ASIC2: variants seen among roughly 807,000 people sequenced by gnomAD.
ASIC2 encodes acid sensing ion channel subunit 2.
ASIC2 carries 25 observed loss-of-function variants against 57.3 expected under a neutral mutation model. That is an observed-to-expected ratio of 0.44 (90% CI 0.32 to 0.61). The LOEUF is 0.61. Ranked by LOEUF, ASIC2 falls within the 20% of genes least tolerant of loss-of-function variation. ASIC2 has a pLI of 0.06. For synonymous variants in ASIC2, 319 were observed against 307.5 expected (o/e 1.04, Z -0.39); for missense variants, 641 against 738.1 (o/e 0.87, Z 1.52).
At chr17:33,953,902 GC>G (rs1182370904) in intron 1 of ASIC2, among the ~76,000 whole-genome samples, 17 of 152,284 alleles carry the variant, frequency 1.1e-4, no homozygotes, top group African/African-American at 3.8e-4. Flanking sequence ...TGAATGTGAG[GC>G]TTTGGAATTT....
chr17:33,375,183 G>A (rs1285676156), intron 1 of ASIC2, among the ~76,000 whole-genome samples: 1 of 152,174 alleles, frequency 6.6e-6, no homozygotes, highest in African/African-American at 2.4e-5. Flanking sequence ...TGTGGTGGGG[G>A]TGTTTGCTCT....
intron 1 of ASIC2, among the ~76,000 whole-genome samples, chr17:33,591,653 C>T (rs952944733): frequency 1.1e-4 from 16 of 152,154 alleles, no homozygotes; most frequent in Admixed American, 1.0e-3. Context: ...ATAGGAGCCA[C>T]CTCACCAGGA....
chr17:33,803,358 G>A (rs1912183241), intron 1 of ASIC2, among the ~76,000 whole-genome samples: 1 of 151,862 alleles, frequency 6.6e-6, no homozygotes, highest in Non-Finnish European at 1.5e-5. Flanking sequence ...TGGGTGGGTG[G>A]GGGGTTTGGT....
At chr17:33,690,940 G>A (rs995226842) in intron 1 of ASIC2, among the ~76,000 whole-genome samples, 3 of 151,522 alleles carry the variant, frequency 2.0e-5, no homozygotes, top group African/African-American at 4.8e-5. Flanking sequence ...TAGTAGAGAC[G>A]GGGTTTCACT....
intron 1 of ASIC2, among the ~76,000 whole-genome samples, chr17:33,906,260 A>T (rs1597924660): frequency 6.6e-6 from 1 of 152,304 alleles, no homozygotes; most frequent in Middle Eastern, 3.4e-3. Flanking sequence ...CCTTCTTGCA[A>T]GCAGGCTTGT....
intron 1 of ASIC2, among the ~76,000 whole-genome samples, chr17:33,807,557 CTCTT>C (rs1323490036): frequency 1.5e-4 from 23 of 152,242 alleles, no homozygotes; most frequent in African/African-American, 5.5e-4. Flanking sequence ...CTCTCTCTCT[CTCTT>C]TCTTTCCCTC....
intron 1 of ASIC2, chr17:34,004,188 GAAGGAAAAGGAAAAGGAA>G (rs113273130): frequency 1.3e-5 from 2 of 152,192 alleles, no homozygotes; most frequent in Admixed American, 1.3e-4. Flanking sequence ...GGAGATGGGA[GAAGGAAAAGGAAAAGGAA>G]AAGGAAAAGG....
chr17:33,516,550 G>C (rs1914578263), intron 1 of ASIC2, among the ~76,000 whole-genome samples: 1 of 152,132 alleles, frequency 6.6e-6, no homozygotes, highest in Admixed American at 6.5e-5. Context: ...CAGAAGTTTT[G>C]ATTTCATTGG....
At chr17:33,989,211 C>T (rs1007973794) in intron 1 of ASIC2, among the ~76,000 whole-genome samples, 8 of 151,984 alleles carry the variant, frequency 5.3e-5, no homozygotes, top group African/African-American at 1.9e-4. Context: ...AGGTCAAGAG[C>T]TGGGGAAGGT....
intron 1 of ASIC2, among the ~76,000 whole-genome samples, chr17:33,676,278 A>G (rs1440798368): frequency 6.6e-6 from 1 of 152,264 alleles, no homozygotes; most frequent in Non-Finnish European, 1.5e-5. Flanking sequence ...TAAGTAGTCA[A>G]GTGAAAGAAG....
intron 3 of ASIC2, among the ~76,000 whole-genome samples, chr17:33,067,522 G>C (rs896566998): frequency 6.6e-6 from 1 of 152,166 alleles, no homozygotes; most frequent in Non-Finnish European, 1.5e-5. Context: ...CTTTTTGACA[G>C]AGCATCACAA....
At chr17:33,687,031 C>T (rs1372337880) in intron 1 of ASIC2, among the ~76,000 whole-genome samples, 1 of 152,204 alleles carries the variant, frequency 6.6e-6, no homozygotes. Flanking sequence ...GTTTAAATCT[C>T]AGTTTTTCTA....
intron 1 of ASIC2, among the ~76,000 whole-genome samples, chr17:33,364,192 C>A (rs1908719336): frequency 6.6e-6 from 1 of 152,140 alleles, no homozygotes; most frequent in Non-Finnish European, 1.5e-5. Flanking sequence ...GGAAGAAAGG[C>A]TACTTAGAGG....
chr17:33,964,197 G>C (rs876221), intron 1 of ASIC2, among the ~76,000 whole-genome samples: 99,107 of 152,030 alleles, frequency 0.65, 32,346 homozygotes, highest in African/African-American at 0.67. Context: ...CAATTTGTCA[G>C]TTTCAGTAGA....
intron 1 of ASIC2, among the ~76,000 whole-genome samples, chr17:33,183,548 C>T (rs572461866): frequency 1.9e-4 from 29 of 152,318 alleles, no homozygotes; most frequent in South Asian, 6.2e-4. Flanking sequence ...TTACCTTACT[C>T]GCTGAGACTC....
intron 1 of ASIC2, among the ~76,000 whole-genome samples, chr17:33,879,623 C>T (rs562703713): frequency 6.6e-6 from 1 of 152,288 alleles, no homozygotes; most frequent in East Asian, 1.9e-4. Context: ...TAGAGACCTA[C>T]AAAGAGACTT....
intron 1 of ASIC2, among the ~76,000 whole-genome samples, chr17:33,177,379 T>A (rs981865856): frequency 1.3e-4 from 20 of 152,156 alleles, no homozygotes; most frequent in Admixed American, 2.0e-4. Flanking sequence ...AAAGAAGAAG[T>A]ATGATGCTGA....
At chr17:33,623,801 A>G (rs950214847) in intron 1 of ASIC2, among the ~76,000 whole-genome samples, 1 of 152,010 alleles carries the variant, frequency 6.6e-6, no homozygotes, top group Non-Finnish European at 1.5e-5. Flanking sequence ...CTCCAGGTAG[A>G]GAAACTGAGG....
chr17:33,051,251 T>C (rs2091974512), intron 3 of ASIC2, among the ~76,000 whole-genome samples: 1 of 152,176 alleles, frequency 6.6e-6, no homozygotes, highest in South Asian at 2.1e-4. Flanking sequence ...AAAGTGATTT[T>C]CTAGAAATAA....
Sources: gnomAD v4.1 joint callset for allele counts (sites outside exome capture counted in the v4.1 genomes callset) on GRCh38, gnomAD v4.1.1 for gene constraint, MANE v1.5 for transcripts, NCBI Gene and HGNC (gene_info 2026-07-23, HGNC 2026-07-21) for gene names.